The following LAMC1 variants were observed in gnomAD, a reference collection of about 807,000 sequenced individuals.
LAMC1 encodes laminin subunit gamma 1.
A neutral mutation model predicts 173.6 loss-of-function variants in LAMC1; 38 were observed. The observed-to-expected ratio is 0.22, with a 90% CI of 0.17 to 0.29. The LOEUF is 0.29. Ranked by LOEUF, LAMC1 falls within the 10% of genes least tolerant of loss-of-function variation. LAMC1 has a pLI of 1.00. For synonymous variants in LAMC1, 746 were observed against 749.1 expected, an observed-to-expected ratio of 1.00 and a Z score of 0.07; for missense variants, 1,824 against 2,051.8, an observed-to-expected ratio of 0.89 and a Z score of 2.14.
intron 1 of LAMC1, among the ~76,000 whole-genome samples, chr1:183,071,889 C>T (rs942207297): frequency 2.0e-5 from 3 of 152,082 alleles, no homozygotes; most frequent in African/African-American, 4.8e-5. Flanking sequence ...GTCCAGTTGA[C>T]GAAAATGTTG....
At chr1:183,112,517 A>G (rs1476517716) in intron 4 of LAMC1, among the ~76,000 whole-genome samples, 1 of 152,176 alleles carries the variant, frequency 6.6e-6, no homozygotes, top group Non-Finnish European at 1.5e-5. Context: ...GACACTTCAA[A>G]GAGTGACATT....
At chr1:183,059,318 G>T (rs1654682943) in intron 1 of LAMC1, among the ~76,000 whole-genome samples, 1 of 152,212 alleles carries the variant, frequency 6.6e-6, no homozygotes, top group Non-Finnish European at 1.5e-5. Flanking sequence ...ATTACATCAT[G>T]GTGGAACTTG....
At chr1:183,102,238 A>G (rs1382757843) in intron 1 of LAMC1, among the ~76,000 whole-genome samples, 1 of 152,210 alleles carries the variant, frequency 6.6e-6, no homozygotes, top group Non-Finnish European at 1.5e-5. Context: ...TTCTGAGAGC[A>G]CAGAAGTTGC....
chr1:183,023,654 G>T lies in LAMC1; in HGVS notation c.-63G>T. ...AGCGAAGCGGCCTCCGGGGGACGCCGCTAGGCGAGAGGAACGCGCCGGTGC... is the reference window on the plus strand; with the variant it reads ...AGCGAAGCGGCCTCCGGGGGACGCCTCTAGGCGAGAGGAACGCGCCGGTGC... On this transcript the variant is annotated 5_prime_UTR_variant, in exon 1 of 28. Transcript: ENST00000258341. 6.2e-6 allele frequency: 7 copies of T among 1,126,600 alleles called. No individual in the cohort carries two copies. Among genetic ancestry groups the T allele is most frequent in the Non-Finnish European group, 6.6e-6 (6 of 915,556 alleles). 69.8% of individuals were successfully genotyped at this position (1,126,600 alleles called of 1,614,324 possible).
rs1257541670 is a variant in LAMC1 at position 183,067,300 on chromosome 1, ATTC to A, written c.419-36025_419-36023del. On this transcript the variant is annotated intron_variant, in intron 1 of 27. Transcript: ENST00000258341. Reference sequence around the variant, plus strand: ...GTACAATTTTTCAGTTTTGTTTAGAATTCTTTTTTTGTCATTGCATTTTTAAAG... The same window carrying A: ...GTACAATTTTTCAGTTTTGTTTAGAATTTTTTTGTCATTGCATTTTTAAAG... 2.0e-5 allele frequency among the ~76,000 whole-genome samples: 3 copies of A among 152,134 alleles called. No homozygotes were observed. The East Asian group carries it at 5.8e-4, about 29-fold the overall frequency.
In LAMC1 at chr1:183,133,521, C is replaced by T. The variant is rs1318681664; in HGVS notation, c.3820C>T (p.Leu1274=). 51 of 1,613,540 alleles carry T rather than the reference C, an allele frequency of 3.2e-5. No individual in the cohort carries two copies. The highest frequency in any genetic ancestry group is 4.1e-5 in the Non-Finnish European group (48 of 1,179,756). The change falls in exon 22 of 28, where the codon CTG becomes TTG. Residue 1274 remains leucine (L), a synonymous_variant. Coordinates refer to ENST00000258341, the MANE Select transcript of LAMC1 (RefSeq NM_002293.4). ...AVEIYASVAQ[L]SPLDSETLEN... ...GGAGATCTATGCCAGCGTGGCTCAGCTGAGCCCTTTGGACTCTGAGACACT... is the reference window on the plus strand; with the variant it reads ...GGAGATCTATGCCAGCGTGGCTCAGTTGAGCCCTTTGGACTCTGAGACACT...
intron 11 of LAMC1, among the ~76,000 whole-genome samples, chr1:183,121,252 C>T (rs1192692175): frequency 9.4e-6 from 1 of 106,344 alleles, no homozygotes; most frequent in Non-Finnish European, 2.1e-5. Flanking sequence ...AACCCTGTCT[C>T]TTCTAAAAAA....
intron 1 of LAMC1, among the ~76,000 whole-genome samples, chr1:183,055,699 C>T (rs1262379946): frequency 6.6e-6 from 1 of 151,946 alleles, no homozygotes; most frequent in Non-Finnish European, 1.5e-5. Context: ...GTAGTTGCAG[C>T]TACTCGGGAG....
At chr1:183,079,336 C>A (rs2102048550) in intron 1 of LAMC1, among the ~76,000 whole-genome samples, 1 of 141,808 alleles carries the variant, frequency 7.1e-6, no homozygotes, top group Non-Finnish European at 1.5e-5. Context: ...CTCACTGCAA[C>A]CTCCACTTGC....
rs202207093 is a variant in LAMC1 at position 183,127,364 on chromosome 1, G to A, written c.3083G>A (p.Cys1028Tyr). 8.3e-5 allele frequency: 134 copies of A among 1,614,010 alleles called. No individual in the cohort carries two copies. Among genetic ancestry groups the A allele is most frequent in the Non-Finnish European group, 1.1e-4 (127 of 1,180,000 alleles). ...NYFYNRSWPG[C>Y]QECPACYRLV... ...TTCTACAATCGGTCTTGGCCTGGCT[G>A]CCAGGAATGTCCAGCTTGTTACCGG... Residue 1028 changes from cysteine to tyrosine, a missense_variant, in exon 17 of 28, where the codon TGC becomes TAC. Coordinates refer to ENST00000258341, the MANE Select transcript of LAMC1 (RefSeq NM_002293.4).
chr1:183,050,523 C>T (rs936640070), intron 1 of LAMC1, among the ~76,000 whole-genome samples: 2 of 144,930 alleles, frequency 1.4e-5, no homozygotes, highest in Admixed American at 6.8e-5. Context: ...ACCTCGTGAT[C>T]TGCCCGCCTC....
At chr1:183,111,783 C>T (rs556570667) in intron 4 of LAMC1, among the ~76,000 whole-genome samples, 2 of 109,340 alleles carry the variant, frequency 1.8e-5, no homozygotes, top group East Asian at 6.3e-4. Flanking sequence ...CGCCTGTAAT[C>T]TCAGCATTTG....
Position 183,144,665 on chromosome 1 carries a change from T to G in LAMC1, c.*1875T>G, listed in dbSNP as rs1485323714. 6.6e-6 allele frequency: 1 copy of G among 152,254 alleles called. No individual in the cohort carries two copies. Among genetic ancestry groups the G allele is most frequent in the Non-Finnish European group, 1.5e-5 (1 of 68,066 alleles). The allele number at this position is 152,254 out of a possible 1,614,324, so 9.4% of individuals were successfully genotyped here. ...AAGCTATGGTAGGATTAGGAAAGTT[T>G]GCTGAAGAGGATCTTTGACGCCACA... On this transcript the variant is annotated 3_prime_UTR_variant, in exon 28 of 28. Coordinates refer to ENST00000258341, the MANE Select transcript of LAMC1 (RefSeq NM_002293.4).
intron 1 of LAMC1, among the ~76,000 whole-genome samples, chr1:183,064,336 G>C (rs12759537): frequency 6.6e-6 from 1 of 152,240 alleles, no homozygotes; most frequent in South Asian, 2.1e-4. Context: ...ATACGGGATG[G>C]CCTATTGGTC....
At chr1:183,033,160 G>A (rs1287757392) in intron 1 of LAMC1, among the ~76,000 whole-genome samples, 1 of 152,162 alleles carries the variant, frequency 6.6e-6, no homozygotes, top group African/African-American at 2.4e-5. Context: ...ATTTCTCTTA[G>A]TGTCTTTCTC....
At chr1:183,105,224 CAAAAAAA>C (rs35512159) in intron 2 of LAMC1, among the ~76,000 whole-genome samples, 2 of 42,852 alleles carry the variant, frequency 4.7e-5, no homozygotes, top group Non-Finnish European at 8.6e-5. Flanking sequence ...GACTCCATCT[CAAAAAAA>C]AAAAAAAAAA....
At chr1:183,125,669 C>A in intron 15 of LAMC1, 119 bp downstream of exon 15, 2 of 704,522 alleles carry the variant, frequency 2.8e-6, no homozygotes, top group Non-Finnish European at 4.6e-6. Context: ...CTAATGTAGG[C>A]AAGGCATCCT....
rs777469634 is a variant in LAMC1 at position 183,083,194 on chromosome 1, T to C, written c.419-20134T>C. Among the ~76,000 whole-genome samples, 96 of 152,350 alleles carry C rather than the reference T, an allele frequency of 6.3e-4. 1 individual carries two copies. In the Middle Eastern group the frequency reaches 0.024, roughly 38 times the overall value. ...AAAGGTAGATTCCCTACTATTGCCA[T>C]ATACAAATATTCTTTCATTCCACAG... On this transcript the variant is annotated intron_variant, in intron 1 of 27. Coordinates refer to ENST00000258341, the MANE Select transcript of LAMC1 (RefSeq NM_002293.4).
Position 183,115,608 on chromosome 1 carries a change from A to T in LAMC1, c.1299A>T (p.Gly433=). ...ACAAATGTGACCGTTGCCAGCCTGG[A>T]TTCCATTCTCTCACTGAAGCAGGAT... The part of the protein sequence containing the change: ...MGDKCDRCQP[G]FHSLTEAGCR... The change falls in exon 6 of 28, where the codon GGA becomes GGT. Residue 433 remains glycine (G), a synonymous_variant. Transcript: ENST00000258341. The T allele has an allele frequency of 6.2e-7, 1 of 1,613,810 alleles. No homozygotes were observed.
Sources: gnomAD v4.1 joint callset for allele counts (sites outside exome capture counted in the v4.1 genomes callset) on GRCh38, gnomAD v4.1.1 for gene constraint, MANE v1.5 for transcripts, NCBI Gene and HGNC (gene_info 2026-07-23, HGNC 2026-07-21) for gene names.